The following CLIC5 variants were observed in gnomAD, a reference collection of about 807,000 sequenced individuals.
The protein encoded by CLIC5 is chloride intracellular channel protein 5.
Under a neutral mutation model 24.7 loss-of-function variants are expected in CLIC5, and 20 were observed. The observed-to-expected ratio is 0.81, with a 90% confidence interval of 0.57 to 1.18. The LOEUF (loss-of-function observed/expected upper bound fraction) is 1.18. CLIC5 is among the 50% of genes most tolerant of loss of function. CLIC5 has a pLI of 0.00. For missense variants in CLIC5, 341 were observed against 326.1 expected (o/e 1.05, Z -0.35); for synonymous variants, 159 against 135.6 (o/e 1.17, Z -1.20).
intron 1 of CLIC5, among the ~76,000 whole-genome samples, chr6:46,067,605 T>C (rs937547262): frequency 1.3e-5 from 2 of 152,182 alleles, no homozygotes; most frequent in African/African-American, 4.8e-5. Context: ...CTAACCCCAG[T>C]TGCTGTGCAA....
intron 6 of CLIC5, among the ~76,000 whole-genome samples, chr6:45,887,140 TA>T (rs1762311731): frequency 6.6e-6 from 1 of 152,240 alleles, no homozygotes; most frequent in South Asian, 2.1e-4. Flanking sequence ...TAGACATTTT[TA>T]GAAATGAACA....
intron 1 of CLIC5, among the ~76,000 whole-genome samples, chr6:45,971,059 G>A (rs1765184912): frequency 6.6e-6 from 1 of 152,178 alleles, no homozygotes; most frequent in South Asian, 2.1e-4. Context: ...TACAGAAATT[G>A]TTCTTTTTCC....
At chr6:46,079,478 A>C (rs1005244622) in intron 1 of CLIC5, among the ~76,000 whole-genome samples, 1 of 152,226 alleles carries the variant, frequency 6.6e-6, no homozygotes, top group African/African-American at 2.4e-5. Context: ...TGGTATGTAA[A>C]AGTCAGTGAT....
At chr6:46,082,607 T>C (rs1007157843), upstream of CLIC5, among the ~76,000 whole-genome samples, 6 of 152,178 alleles carry the variant, frequency 3.9e-5, no homozygotes, top group South Asian at 4.1e-4. Flanking sequence ...ATATTAGACC[T>C]TTTACATTGG....
At chr6:45,936,646 G>C (rs1178353115) in intron 4 of CLIC5, among the ~76,000 whole-genome samples, 1 of 152,280 alleles carries the variant, frequency 6.6e-6, no homozygotes, top group East Asian at 1.9e-4. Flanking sequence ...ACAAGGACAA[G>C]AGGCAAAGCT....
chr6:45,914,269 G>A lies in CLIC5; in HGVS notation c.547C>T (p.Leu183=). Residue 183 remains leucine, a synonymous_variant, in exon 5 of 6, where the codon CTG becomes TTG. Transcript: ENST00000339561. ...RKFLDGDELT[L]ADCNLLPKLH... ...TTGGGCAACAGATTGCAGTCAGCCA[G>A]GGTCAGCTCATCCCCATCCAGGAAC... The A allele has an allele frequency of 6.2e-7, 1 of 1,608,410 alleles. No homozygotes were observed.
chr6:46,115,218 C>A, the CLIC5 span, among the ~76,000 whole-genome samples: 1 of 152,110 alleles, frequency 6.6e-6, no homozygotes, highest in East Asian at 1.9e-4. Context: ...CCACTATCAT[C>A]CAAACAGGAA....
At chr6:45,904,342 T>A (rs1345081441) in intron 5 of CLIC5, among the ~76,000 whole-genome samples, 2 of 152,078 alleles carry the variant, frequency 1.3e-5, no homozygotes, top group African/African-American at 2.4e-5. Context: ...CCCATTTGCA[T>A]GCATTTTCTT....
exon 1 of CLIC5, chr6:46,079,726 G>C (rs1465650029): frequency 1.3e-6 from 2 of 1,551,568 alleles, no homozygotes; most frequent in Non-Finnish European, 1.7e-6. Flanking sequence ...TAAATCTCAG[G>C]GTTCATGTGA....
chr6:45,920,976 C>A (rs1763234905), intron 4 of CLIC5, among the ~76,000 whole-genome samples: 1 of 152,206 alleles, frequency 6.6e-6, no homozygotes, highest in South Asian at 2.1e-4. Flanking sequence ...CTGCATTCAT[C>A]TTTCAGGTTT....
chr6:46,114,116 A>G, the CLIC5 span, among the ~76,000 whole-genome samples: 2 of 152,176 alleles, frequency 1.3e-5, no homozygotes, highest in African/African-American at 4.8e-5. Context: ...CTCCTGAAAG[A>G]GTGAGTAGGC....
chr6:46,037,248 A>G (rs1298545011), intron 1 of CLIC5, among the ~76,000 whole-genome samples: 1 of 152,184 alleles, frequency 6.6e-6, no homozygotes, highest in African/African-American at 2.4e-5. Flanking sequence ...TTTGGTTCCA[A>G]AATCAAAATT....
At chr6:45,969,956 G>C (rs1179751197) in intron 1 of CLIC5, among the ~76,000 whole-genome samples, 1 of 152,144 alleles carries the variant, frequency 6.6e-6, no homozygotes, top group Non-Finnish European at 1.5e-5. Flanking sequence ...CGCCTAGGGT[G>C]ATTGGGAGGA....
At chr6:46,060,949 A>G (rs1470426833) in intron 1 of CLIC5, among the ~76,000 whole-genome samples, 1 of 152,094 alleles carries the variant, frequency 6.6e-6, no homozygotes, top group Non-Finnish European at 1.5e-5. Context: ...CGAACCCCCA[A>G]CTTGGACTGT....
At chr6:45,929,275 G>A (rs1399689774) in intron 4 of CLIC5, among the ~76,000 whole-genome samples, 1 of 152,158 alleles carries the variant, frequency 6.6e-6, no homozygotes, top group Non-Finnish European at 1.5e-5. Flanking sequence ...AAGACCCTCT[G>A]GAGGAATCCC....
At chr6:45,953,877 G>T (rs890253365) in intron 2 of CLIC5, among the ~76,000 whole-genome samples, 6 of 152,140 alleles carry the variant, frequency 3.9e-5, no homozygotes, top group African/African-American at 1.4e-4. Flanking sequence ...GAAAAAGAGA[G>T]TTTGGAGGAA....
At chr6:45,897,224 A>G (rs1762406011), downstream of CLIC5, among the ~76,000 whole-genome samples, 4 of 152,150 alleles carry the variant, frequency 2.6e-5, no homozygotes, top group Admixed American at 2.6e-4. Flanking sequence ...TGACCTAAGG[A>G]GTCACTTTCT....
intron 1 of CLIC5, among the ~76,000 whole-genome samples, chr6:46,054,331 T>C (rs1334748620): frequency 6.6e-6 from 1 of 152,094 alleles, no homozygotes; most frequent in Non-Finnish European, 1.5e-5. Context: ...ACTTCTGACC[T>C]TGCAAAGTCC....
chr6:45,993,452 T>A (rs1284017676), intron 1 of CLIC5, among the ~76,000 whole-genome samples: 1 of 152,224 alleles, frequency 6.6e-6, no homozygotes, highest in Non-Finnish European at 1.5e-5. Flanking sequence ...TTGTAGGAAA[T>A]GTGGAAGTAA....
Sources: gnomAD v4.1 joint callset for allele counts (sites outside exome capture counted in the v4.1 genomes callset) on GRCh38, gnomAD v4.1.1 for gene constraint, MANE v1.5 for transcripts, NCBI Gene and HGNC (gene_info 2026-07-23, HGNC 2026-07-21) for gene names.